The following CYSTM1 variants were observed in gnomAD, a reference collection of about 807,000 sequenced individuals.
The protein encoded by CYSTM1 is cysteine-rich transmembrane module-containing protein 1.
In CYSTM1, 4 loss-of-function variants were observed where a neutral mutation model predicts 13.1. The ratio of observed to expected loss-of-function variants is 0.31; its 90% confidence interval spans 0.15 to 0.70. The LOEUF (loss-of-function observed/expected upper bound fraction) is 0.70, where lower values mean the gene tolerates loss of function less well. Among genes scored for constraint, CYSTM1 ranks in the 30% least tolerant of loss-of-function variants. CYSTM1 has a pLI of 0.72. For missense variants in CYSTM1, 96 were observed against 121.6 expected (o/e 0.79, Z 0.99); for synonymous variants, 36 against 42.7 (o/e 0.84, Z 0.62).
intron 2 of CYSTM1, among the ~76,000 whole-genome samples, chr5:140,226,612 A>ATATATATATAT (rs57697155): frequency 1.1e-5 from 1 of 90,812 alleles, no homozygotes; most frequent in African/African-American, 4.1e-5. Context: ...ATATATATAT[A>ATATATATATAT]AAAATTAGCC....
At chr5:140,179,275 A>AG (rs1763929984) in intron 1 of CYSTM1, among the ~76,000 whole-genome samples, 1 of 145,438 alleles carries the variant, frequency 6.9e-6, no homozygotes, top group Non-Finnish European at 1.5e-5. Context: ...AAAAAAAAAA[A>AG]TGGCTGGGCA....
chr5:140,224,240 A>G (rs1412864812), intron 2 of CYSTM1, among the ~76,000 whole-genome samples: 1 of 152,118 alleles, frequency 6.6e-6, no homozygotes, highest in African/African-American at 2.4e-5. Flanking sequence ...CCCGGGTTCA[A>G]GCGATTCTCC....
At chr5:140,237,798 C>T (rs1764699921) in intron 2 of CYSTM1, among the ~76,000 whole-genome samples, 1 of 152,132 alleles carries the variant, frequency 6.6e-6, no homozygotes, top group African/African-American at 2.4e-5. Flanking sequence ...CCTGGGGTTC[C>T]CTGGGCTTCA....
intron 2 of CYSTM1, among the ~76,000 whole-genome samples, chr5:140,220,333 A>G (rs971727678): frequency 6.6e-6 from 1 of 152,108 alleles, no homozygotes; most frequent in Admixed American, 6.5e-5. Context: ...GGGCCCATCT[A>G]AGATGATGCC....
chr5:140,195,897 T>C (rs1394227388), intron 2 of CYSTM1, among the ~76,000 whole-genome samples: 1 of 151,642 alleles, frequency 6.6e-6, no homozygotes, highest in Non-Finnish European at 1.5e-5. Flanking sequence ...ATACAAAAAC[T>C]AGCCAGGCGT....
chr5:140,237,344 G>A (rs961211028), intron 2 of CYSTM1, among the ~76,000 whole-genome samples: 3 of 152,214 alleles, frequency 2.0e-5, no homozygotes, highest in Admixed American at 1.3e-4. Context: ...CACATTTCAG[G>A]TCACATGCAG....
At chr5:140,188,004 A>G (rs1764038456) in intron 1 of CYSTM1, among the ~76,000 whole-genome samples, 1 of 152,178 alleles carries the variant, frequency 6.6e-6, no homozygotes, top group African/African-American at 2.4e-5. Flanking sequence ...TGAGAAGGCA[A>G]ATTGGTATAT....
chr5:140,204,623 C>T (rs1764274514), intron 2 of CYSTM1, among the ~76,000 whole-genome samples: 1 of 152,062 alleles, frequency 6.6e-6, no homozygotes, highest in Non-Finnish European at 1.5e-5. Flanking sequence ...TGCAATAAAG[C>T]TGGATTCAAA....
At chr5:140,224,399 A>G (rs538747051) in intron 2 of CYSTM1, among the ~76,000 whole-genome samples, 2 of 152,306 alleles carry the variant, frequency 1.3e-5, no homozygotes, top group East Asian at 1.9e-4. Flanking sequence ...TCGGCCTCCC[A>G]AAGTGCTGGG....
chr5:140,183,758 T>G (rs557012633), intron 1 of CYSTM1, among the ~76,000 whole-genome samples: 1 of 152,360 alleles, frequency 6.6e-6, no homozygotes, highest in African/African-American at 2.4e-5. Context: ...GAATACTGCA[T>G]CCAGGCAGTC....
intron 2 of CYSTM1, among the ~76,000 whole-genome samples, chr5:140,204,970 G>C (rs766939879): frequency 6.6e-5 from 10 of 152,198 alleles, no homozygotes; most frequent in East Asian, 1.9e-4. Context: ...TTCTTCTGGG[G>C]TAGGACTGTG....
At chr5:140,182,036 G>A (rs1029845371) in intron 1 of CYSTM1, among the ~76,000 whole-genome samples, 3 of 152,154 alleles carry the variant, frequency 2.0e-5, no homozygotes, top group Non-Finnish European at 4.4e-5. Context: ...TATGTCATCT[G>A]TACTGTTGTT....
chr5:140,199,555 A>ATC (rs2126659229), intron 2 of CYSTM1, among the ~76,000 whole-genome samples: 1 of 152,248 alleles, frequency 6.6e-6, no homozygotes, highest in Non-Finnish European at 1.5e-5. Flanking sequence ...CAGTGGCGCG[A>ATC]TCTTGACTTA....
intron 1 of CYSTM1, among the ~76,000 whole-genome samples, chr5:140,185,543 A>T (rs905673828): frequency 3.9e-5 from 6 of 152,226 alleles, no homozygotes; most frequent in African/African-American, 1.4e-4. Context: ...GTCTGTCCCT[A>T]AAAGAAGAGC....
chr5:140,177,068 C>CAAAAAAA lies in CYSTM1; in HGVS notation c.-21+1796_-21+1802dup, dbSNP rs1161281232. On this transcript the variant is annotated intron_variant, in intron 1 of 2. Coordinates refer to ENST00000261811, the MANE Select transcript of CYSTM1 (RefSeq NM_032412.4). ...TGGGCGACAGAGCGAGACTCTGTCT[C>CAAAAAAA]AAAAAAAAAAAAAAAAAAATCTCTA... is the stretch of plus-strand genomic sequence containing the variant. Among the ~76,000 whole-genome samples the CAAAAAAA allele has an allele frequency of 3.4e-5, 3 of 87,942 alleles. 1 individual carries two copies. The highest frequency in any genetic ancestry group is 4.4e-5 in the Non-Finnish European group (2 of 45,800). The allele number at this position is 87,942 out of a possible 152,430, so 57.7% of individuals were successfully genotyped here.
At chr5:140,188,198 A>C (rs1208000102) in intron 1 of CYSTM1, among the ~76,000 whole-genome samples, 1 of 150,602 alleles carries the variant, frequency 6.6e-6, no homozygotes, top group African/African-American at 2.5e-5. Context: ...CCTCAGCCTC[A>C]CAAGCAGCTA....
chr5:140,176,828 G>A (rs1394847521), intron 1 of CYSTM1, among the ~76,000 whole-genome samples: 31 of 152,254 alleles, frequency 2.0e-4, no homozygotes, highest in Admixed American at 1.6e-3. Flanking sequence ...CCAGCACTTT[G>A]GGAGGCCGAG....
At chr5:140,195,503 G>A (rs56085144) in intron 2 of CYSTM1, among the ~76,000 whole-genome samples, 10,185 of 146,072 alleles carry the variant, frequency 0.07, 503 homozygotes, top group Non-Finnish European at 0.1. Flanking sequence ...GTGCAGTGGC[G>A]CGATCTCGGC....
At chr5:140,233,937 G>A (rs556648315) in intron 2 of CYSTM1, among the ~76,000 whole-genome samples, 3 of 152,116 alleles carry the variant, frequency 2.0e-5, no homozygotes, top group Admixed American at 6.5e-5. Context: ...CCCCTTAACC[G>A]TGTCTTCCAT....
Sources: gnomAD v4.1 joint callset for allele counts (sites outside exome capture counted in the v4.1 genomes callset) on GRCh38, gnomAD v4.1.1 for gene constraint, MANE v1.5 for transcripts, NCBI Gene and HGNC (gene_info 2026-07-23, HGNC 2026-07-21) for gene names.